MIA2: variants seen among roughly 807,000 people sequenced by gnomAD.
MIA2 encodes the protein melanoma inhibitory activity protein 2.
Under a neutral mutation model 167.8 loss-of-function variants are expected in MIA2, and 127 were observed. That is an observed-to-expected ratio of 0.76 (90% confidence interval 0.66 to 0.88). MIA2 has a LOEUF of 0.88. Among genes scored for constraint, MIA2 ranks in the 40% least tolerant of loss-of-function variants. The pLI, the probability that MIA2 is intolerant of heterozygous loss-of-function variation, is 0.00. For synonymous variants in MIA2, 552 were observed against 541.9 expected (o/e 1.02, Z -0.26); for missense variants, 1,690 against 1,624.7 (o/e 1.04, Z -0.69).
At position 39,262,837 on chromosome 14, in the gene MIA2, A is replaced by C. The variant is rs568480246; in HGVS notation, c.1887+9666A>C. Among the ~76,000 whole-genome samples, 235 of 152,208 alleles carry C rather than the reference A, an allele frequency of 1.5e-3. 2 individuals carry two copies. Among genetic ancestry groups the C allele is most frequent in the African/African-American group, 5.3e-3 (222 of 41,526 alleles). On this transcript the variant is annotated intron_variant, in intron 6 of 28. Coordinates refer to ENST00000640607, the MANE Select transcript of MIA2 (RefSeq NM_001329214.4). ...TGTTTGTCTGTTATTGGTGTATAAG[A>C]ATGCTTGTGATTTTTGCACATTGAT...
chr14:39,267,645 G>A (rs2056162892), intron 6 of MIA2: 2 of 1,157,580 alleles, frequency 1.7e-6, no homozygotes, highest in Non-Finnish European at 2.4e-6. Flanking sequence ...GCCAGTCCTC[G>A]TCTGCTGCCC....
At chr14:39,312,021 G>T (rs1228817216) in intron 18 of MIA2, among the ~76,000 whole-genome samples, 2 of 151,276 alleles carry the variant, frequency 1.3e-5, no homozygotes. Flanking sequence ...GTGGAGATGG[G>T]GTTTCACCAT....
At chr14:39,271,289 T>G (rs527949619) in intron 6 of MIA2, among the ~76,000 whole-genome samples, 1 of 152,360 alleles carries the variant, frequency 6.6e-6, no homozygotes, top group East Asian at 1.9e-4. Context: ...GGTTTATTTC[T>G]GGACTCTGAT....
intron 9 of MIA2, among the ~76,000 whole-genome samples, chr14:39,289,792 A>G (rs554572467): frequency 2.1e-4 from 32 of 152,230 alleles, no homozygotes; most frequent in Middle Eastern, 3.4e-3. Flanking sequence ...CTTAAAACCA[A>G]TCTTGGGGGC....
intron 18 of MIA2, 65 bp from the exon 19 acceptor site, chr14:39,313,274 TA>T: frequency 5.0e-6 from 4 of 802,198 alleles, no homozygotes; most frequent in East Asian, 3.0e-5. Flanking sequence ...TTTTCACAAT[TA>T]AAAATATAGA....
chr14:39,284,568 T>A (rs1383452139), intron 9 of MIA2, among the ~76,000 whole-genome samples: 1 of 152,148 alleles, frequency 6.6e-6, no homozygotes, highest in African/African-American at 2.4e-5. Context: ...ATTAAAAAAA[T>A]TTCTGTGAAG....
At chr14:39,240,948 A>T (rs1374016209) in intron 3 of MIA2, among the ~76,000 whole-genome samples, 1 of 152,188 alleles carries the variant, frequency 6.6e-6, no homozygotes, top group Non-Finnish European at 1.5e-5. Flanking sequence ...CTTACAAGCT[A>T]TGTGGCCTGG....
At chr14:39,385,005 C>T (rs892251127) in intron 23 of MIA2, among the ~76,000 whole-genome samples, 41 of 152,256 alleles carry the variant, frequency 2.7e-4, no homozygotes, top group African/African-American at 9.9e-4. Flanking sequence ...AAAATTAGGT[C>T]AAGTAACATG....
intron 25 of MIA2, among the ~76,000 whole-genome samples, chr14:39,327,640 C>T (rs2067856992): frequency 6.6e-6 from 1 of 152,068 alleles, no homozygotes; most frequent in South Asian, 2.1e-4. Context: ...CCAGAGAGGC[C>T]CCGGTGTGTG....
intron 24 of MIA2, among the ~76,000 whole-genome samples, chr14:39,321,324 T>A (rs543823158): frequency 3.3e-5 from 5 of 152,268 alleles, no homozygotes; most frequent in South Asian, 4.1e-4. Flanking sequence ...TTTTAATTTT[T>A]ATTTTTTGAG....
intron 24 of MIA2, among the ~76,000 whole-genome samples, chr14:39,325,660 C>T (rs1382794296): frequency 2.0e-5 from 3 of 150,768 alleles, no homozygotes; most frequent in African/African-American, 7.3e-5. Context: ...AGCCACCGCG[C>T]CTGGCCAAAA....
intron 17 of MIA2, among the ~76,000 whole-genome samples, chr14:39,305,431 C>G (rs1469434958): frequency 6.6e-6 from 1 of 152,164 alleles, no homozygotes; most frequent in African/African-American, 2.4e-5. Flanking sequence ...CCTGGCAAAT[C>G]TTTGTTTCTT....
intron 6 of MIA2, among the ~76,000 whole-genome samples, chr14:39,260,259 T>TC (rs2055031248): frequency 6.6e-6 from 1 of 152,180 alleles, no homozygotes; most frequent in Non-Finnish European, 1.5e-5. Context: ...ATTTCTAGCT[T>TC]TAGATCCTTG....
At chr14:39,361,194 T>C (rs1276806642) in intron 23 of MIA2, among the ~76,000 whole-genome samples, 2 of 152,208 alleles carry the variant, frequency 1.3e-5, no homozygotes, top group Non-Finnish European at 1.5e-5. Flanking sequence ...ATTATGTTGG[T>C]ATTTTGATAG....
chr14:39,373,458 G>A (rs1399261843), intron 23 of MIA2, among the ~76,000 whole-genome samples: 3 of 152,086 alleles, frequency 2.0e-5, no homozygotes, highest in African/African-American at 7.2e-5. Context: ...AAGAATAAAA[G>A]CCACAAAGAG....
rs1053700517 is a variant in MIA2, at chr14:39,350,344, C to A, written c.*80C>A. 5 of 591,322 alleles carry A rather than the reference C, an allele frequency of 8.5e-6. No individual in the cohort carries two copies. The highest frequency in any genetic ancestry group is 1.4e-5 in the Non-Finnish European group (5 of 346,282). 36.6% of individuals were successfully genotyped at this position (591,322 alleles called of 1,614,324 possible). The stretch of plus-strand genomic sequence containing the variant: ...GTAACTGCTGTTACTTAAGTGATTA[C>A]ACTTTTGCTCAAATTGAAGCTTAAT... On this transcript the variant is annotated 3_prime_UTR_variant, in exon 29 of 29. Coordinates refer to ENST00000640607, the MANE Select transcript of MIA2 (RefSeq NM_001329214.4).
intron 19 of MIA2, among the ~76,000 whole-genome samples, chr14:39,313,662 T>G (rs1314565073): frequency 1.3e-5 from 2 of 152,186 alleles, no homozygotes; most frequent in African/African-American, 4.8e-5. Flanking sequence ...ATGTTTTTCT[T>G]TCAGGTTGTG....
chr14:39,255,416 A>G (rs2054776945), intron 6 of MIA2, among the ~76,000 whole-genome samples: 1 of 152,154 alleles, frequency 6.6e-6, no homozygotes, highest in Non-Finnish European at 1.5e-5. Flanking sequence ...GCTGAGACAC[A>G]AGAATTGCTT....
intron 23 of MIA2, chr14:39,370,589 G>T: frequency 2.7e-6 from 1 of 363,822 alleles, no homozygotes; most frequent in South Asian, 2.3e-5. Flanking sequence ...GGCTGCTCCG[G>T]CATCCTCTTG....
Sources: gnomAD v4.1 joint callset for allele counts (sites outside exome capture counted in the v4.1 genomes callset) on GRCh38, gnomAD v4.1.1 for gene constraint, MANE v1.5 for transcripts, NCBI Gene and HGNC (gene_info 2026-07-23, HGNC 2026-07-21) for gene names.